Variants in PITPNC1 observed in about 807,000 individuals in gnomAD.
The protein encoded by PITPNC1 is cytoplasmic phosphatidylinositol transfer protein 1.
PITPNC1 carries 18 observed loss-of-function variants against 44.7 expected under a neutral mutation model. The observed-to-expected ratio is 0.40, with a 90% confidence interval of 0.28 to 0.60. The LOEUF is 0.60. Among genes scored for constraint, PITPNC1 ranks in the 20% least tolerant of loss-of-function variants. The pLI, the probability that PITPNC1 is intolerant of heterozygous loss-of-function variation, is 0.39. For missense variants in PITPNC1, 290 were observed against 418.4 expected (o/e 0.69, Z 2.68); for synonymous variants, 141 against 149.6 (o/e 0.94, Z 0.42).
At chr17:67,674,409 C>T (rs2042566748) in intron 7 of PITPNC1, among the ~76,000 whole-genome samples, 1 of 150,178 alleles carries the variant, frequency 6.7e-6, no homozygotes, top group Non-Finnish European at 1.5e-5. Context: ...GAGGCTAAGG[C>T]ACAAGAATCG....
chr17:67,386,694 G>T (rs948198081), intron 1 of PITPNC1, among the ~76,000 whole-genome samples: 2 of 152,110 alleles, frequency 1.3e-5, no homozygotes, highest in Admixed American at 6.6e-5. Context: ...TTGCTTTAGC[G>T]GCCTGAGTGA....
In PITPNC1 at chr17:67,693,486, C is replaced by A. The variant is rs575995737; in HGVS notation, c.*598C>A. 3 of 152,524 alleles carry A rather than the reference C, an allele frequency of 2.0e-5. No homozygotes were observed. The highest frequency in any genetic ancestry group is 4.0e-4 in the East Asian group (2 of 5,054). The allele number at this position is 152,524 out of a possible 1,614,324, so 9.4% of individuals were successfully genotyped here. A position where few individuals can be genotyped will look rare whatever the true frequency, so the allele number is the denominator to read the frequency against. On this transcript the variant is annotated 3_prime_UTR_variant, in exon 9 of 9. Coordinates refer to ENST00000581322, the MANE Select transcript of PITPNC1 (RefSeq NM_012417.4). ...TGCAATTAATAATAACTCATTTATA[C>A]CTTCCACAGAATTTAATAAAGATTC...
intron 6 of PITPNC1, among the ~76,000 whole-genome samples, chr17:67,655,785 A>G (rs753382188): frequency 6.6e-6 from 1 of 151,878 alleles, no homozygotes; most frequent in Non-Finnish European, 1.5e-5. Context: ...CATTAAAAGA[A>G]TTTTTTAATT....
chr17:67,394,642 G>A lies in PITPNC1; in HGVS notation c.48+16440G>A, dbSNP rs191868739. On this transcript the variant is annotated intron_variant, in intron 1 of 8. Coordinates refer to ENST00000581322, the MANE Select transcript of PITPNC1 (RefSeq NM_012417.4). Reference sequence around the variant, plus strand: ...GTTAAGGCCGGGCACGGTGGCTCACGCCTGTAATCCCAGCACTTTGGGAGG... The same window carrying A: ...GTTAAGGCCGGGCACGGTGGCTCACACCTGTAATCCCAGCACTTTGGGAGG... Among the ~76,000 whole-genome samples, 1,138 of 152,208 alleles carry A rather than the reference G, an allele frequency of 7.5e-3. 10 individuals carry two copies. The highest frequency in any genetic ancestry group is 0.011 in the Non-Finnish European group (770 of 68,008).
chr17:67,409,146 G>A (rs1317695748), intron 1 of PITPNC1, among the ~76,000 whole-genome samples: 1 of 144,406 alleles, frequency 6.9e-6, no homozygotes, highest in Non-Finnish European at 1.5e-5. Flanking sequence ...CTGCAGTGGC[G>A]CAATCTCGGC....
At chr17:67,473,542 A>T (rs1202690658) in intron 1 of PITPNC1, among the ~76,000 whole-genome samples, 1 of 151,684 alleles carries the variant, frequency 6.6e-6, no homozygotes, top group Non-Finnish European at 1.5e-5. Flanking sequence ...CGACCTCGTG[A>T]TCTGCACGCC....
intron 1 of PITPNC1, among the ~76,000 whole-genome samples, chr17:67,416,292 C>T (rs752285576): frequency 4.1e-5 from 6 of 147,516 alleles, no homozygotes; most frequent in Non-Finnish European, 8.9e-5. Flanking sequence ...TCACTGCAAC[C>T]ACAACCTCCA....
chr17:67,592,149 GA>G (rs1443187762), intron 5 of PITPNC1, among the ~76,000 whole-genome samples: 21 of 152,222 alleles, frequency 1.4e-4, no homozygotes, highest in African/African-American at 4.6e-4. Flanking sequence ...ATCTTAAATA[GA>G]ATACTAAATA....
At chr17:67,381,268 C>A (rs1322163736) in intron 1 of PITPNC1, among the ~76,000 whole-genome samples, 1 of 140,874 alleles carries the variant, frequency 7.1e-6, no homozygotes, top group Non-Finnish European at 1.5e-5. Flanking sequence ...GCGGAGCTTG[C>A]AGTGAGCTGA....
chr17:67,409,641 C>A (rs1417275152), intron 1 of PITPNC1, among the ~76,000 whole-genome samples: 1 of 151,748 alleles, frequency 6.6e-6, no homozygotes. Context: ...TTGGTTCAAG[C>A]GATTCTCCTG....
intron 6 of PITPNC1, among the ~76,000 whole-genome samples, chr17:67,644,238 C>T (rs1053203514): frequency 6.6e-6 from 1 of 152,098 alleles, no homozygotes; most frequent in Non-Finnish European, 1.5e-5. Flanking sequence ...CGGGATGGTA[C>T]CCAAGGCAGT....
Position 67,652,155 on chromosome 17 carries a change from C to T in PITPNC1, c.463-17353C>T, listed in dbSNP as rs192603258. 1.1e-3 allele frequency among the ~76,000 whole-genome samples: 165 copies of T among 152,176 alleles called. 1 individual carries two copies. The highest frequency in any genetic ancestry group is 1.9e-3 in the Non-Finnish European group (126 of 68,026). ...CAGGGCAAGCCCCTGTTGGCTATTG[C>T]CCTTTGTGGTTCAAATTGAGAGTGT... On this transcript the variant is annotated intron_variant, in intron 6 of 8. Transcript: ENST00000581322.
At chr17:67,455,334 G>T (rs2039239895) in intron 1 of PITPNC1, among the ~76,000 whole-genome samples, 1 of 152,130 alleles carries the variant, frequency 6.6e-6, no homozygotes. Flanking sequence ...ACTGAACTCA[G>T]CAATAACCTG....
intron 5 of PITPNC1, among the ~76,000 whole-genome samples, chr17:67,595,506 A>G (rs998853916): frequency 6.6e-6 from 1 of 151,838 alleles, no homozygotes; most frequent in Non-Finnish European, 1.5e-5. Flanking sequence ...GAGCTTACAG[A>G]AAAGAAGTTA....
intron 1 of PITPNC1, among the ~76,000 whole-genome samples, chr17:67,380,157 C>T (rs2037936413): frequency 6.6e-6 from 1 of 151,922 alleles, no homozygotes; most frequent in Non-Finnish European, 1.5e-5. Flanking sequence ...TCACTGCAAC[C>T]TCCGCCACCT....
intron 1 of PITPNC1, among the ~76,000 whole-genome samples, chr17:67,378,430 G>A (rs1227762502): frequency 5.9e-5 from 9 of 152,300 alleles, no homozygotes; most frequent in South Asian, 2.1e-4. Flanking sequence ...CTTTTCGGGG[G>A]CGCCCAGAAT....
intron 5 of PITPNC1, among the ~76,000 whole-genome samples, chr17:67,589,561 G>A (rs1047831458): frequency 2.7e-5 from 4 of 149,708 alleles, no homozygotes; most frequent in Admixed American, 6.7e-5. Flanking sequence ...CAAGTATCAA[G>A]GTCTGAATGT....
At chr17:67,418,669 T>G (rs1367363916) in intron 1 of PITPNC1, among the ~76,000 whole-genome samples, 1 of 152,056 alleles carries the variant, frequency 6.6e-6, no homozygotes, top group East Asian at 1.9e-4. Context: ...CTAGCTATTC[T>G]CCTGCCTCAG....
intron 1 of PITPNC1, among the ~76,000 whole-genome samples, chr17:67,418,523 C>T (rs1270135293): frequency 2.6e-5 from 4 of 151,918 alleles, no homozygotes; most frequent in Admixed American, 1.3e-4. Flanking sequence ...AGCAAAAGAA[C>T]AAATCAATAG....
Sources: allele counts gnomAD v4.1 joint callset (sites outside exome capture counted in the v4.1 genomes callset), GRCh38; gene constraint gnomAD v4.1.1; transcripts MANE v1.5; gene names NCBI Gene and HGNC (gene_info 2026-07-23, HGNC 2026-07-21).